The following CEP128 variants were observed in gnomAD, a reference collection of about 807,000 sequenced individuals.
CEP128 encodes centrosomal protein 128.
CEP128 carries 132 observed loss-of-function variants against 156.7 expected under a neutral mutation model. The observed-to-expected ratio is 0.84, with a 90% confidence interval of 0.73 to 0.97. The LOEUF (loss-of-function observed/expected upper bound fraction) is 0.97. Ranked by LOEUF, CEP128 falls within the 50% of genes least tolerant of loss-of-function variation. The probability of loss-of-function intolerance (pLI) is 0.00; values close to 1 mark genes in which losing one functional copy is unlikely to be tolerated. For missense variants in CEP128, 1,252 were observed against 1,281.9 expected (o/e 0.98, Z 0.36); for synonymous variants, 469 against 448.9 (o/e 1.04, Z -0.57).
chr14:80,769,875 T>C (rs897502118), intron 16 of CEP128, among the ~76,000 whole-genome samples: 2 of 152,334 alleles, frequency 1.3e-5, no homozygotes. Flanking sequence ...ACTTTATGTT[T>C]CCTTTTAGGG....
chr14:80,602,696 C>T (rs1416902199), intron 19 of CEP128, among the ~76,000 whole-genome samples: 3 of 152,110 alleles, frequency 2.0e-5, no homozygotes, highest in Admixed American at 6.5e-5. Context: ...TTGCTTGAAC[C>T]GGGAGGCAGA....
chr14:80,790,828 G>A (rs1377959032), intron 14 of CEP128, among the ~76,000 whole-genome samples: 1 of 151,980 alleles, frequency 6.6e-6, no homozygotes, highest in East Asian at 1.9e-4. Context: ...GGTAGACACA[G>A]AACCATACTG....
At chr14:80,919,425 A>G (rs182342001) in intron 2 of CEP128, among the ~76,000 whole-genome samples, 2 of 152,304 alleles carry the variant, frequency 1.3e-5, no homozygotes, top group African/African-American at 4.8e-5. Context: ...GAGAGTTTTT[A>G]GTAAAATATT....
chr14:80,774,005 A>G lies in CEP128; in HGVS notation c.2376+3877T>C, dbSNP rs765925977. ...TTGCATAACACTCGTTCTCTTTGTC[A>G]TGTAAAACTGAAAAATAACATTTGA... is the stretch of plus-strand genomic sequence containing the variant. On this transcript the variant is annotated intron_variant, in intron 16 of 24. Coordinates refer to ENST00000555265, the MANE Select transcript of CEP128 (RefSeq NM_152446.5). Among the ~76,000 whole-genome samples the G allele has an allele frequency of 5.9e-5, 9 of 152,338 alleles. 1 individual carries two copies. The South Asian group carries it at 6.2e-4, about 11-fold the overall frequency.
In CEP128 at chr14:80,624,634, T is replaced by C. The variant is rs561599690; in HGVS notation, c.2807-44211A>G. 3.3e-5 allele frequency among the ~76,000 whole-genome samples: 5 copies of C among 152,286 alleles called. No individual in the cohort carries two copies. The South Asian group carries it at 8.3e-4, about 25-fold the overall frequency. ...GATAAATATTCTAACTGGGATGAGATATTTCACTGTGGTTTTGATTTGCAT... is the reference window on the plus strand; with the variant it reads ...GATAAATATTCTAACTGGGATGAGACATTTCACTGTGGTTTTGATTTGCAT... On this transcript the variant is annotated intron_variant, in intron 19 of 24. Transcript: ENST00000555265.
chr14:80,756,744 C>G, intron 18 of CEP128, 148 bp downstream of exon 18: 1 of 586,710 alleles, frequency 1.7e-6, no homozygotes, highest in East Asian at 3.1e-5. Flanking sequence ...TGGAGATTCC[C>G]TAAGTGGACT....
chr14:80,946,338 C>CTCATGATGCATCATGATGATGCA (rs2139650848), upstream of CEP128, among the ~76,000 whole-genome samples: 1 of 137,522 alleles, frequency 7.3e-6, no homozygotes, highest in Non-Finnish European at 1.6e-5. Context: ...ATGATGATGC[C>CTCATGATGCATCATGATGATGCA]TCATGATGCA....
intron 21 of CEP128, among the ~76,000 whole-genome samples, chr14:80,532,098 A>G (rs2140280096): frequency 6.6e-6 from 1 of 152,346 alleles, no homozygotes; most frequent in East Asian, 1.9e-4. Context: ...CATATATAAT[A>G]CCTACCCTGA....
intron 19 of CEP128, among the ~76,000 whole-genome samples, chr14:80,665,539 C>A (rs1344644259): frequency 1.3e-5 from 2 of 152,012 alleles, no homozygotes; most frequent in African/African-American, 2.4e-5. Flanking sequence ...TGGCAAGCAG[C>A]AAAAGTAAAA....
chr14:80,946,336 GCCT>G (rs1886343559), upstream of CEP128, among the ~76,000 whole-genome samples: 1 of 138,892 alleles, frequency 7.2e-6, no homozygotes, highest in Non-Finnish European at 1.6e-5. Context: ...TCATGATGAT[GCCT>G]CATGATGCAT....
intron 13 of CEP128, 142 bp downstream of exon 13, chr14:80,831,001 T>A (rs1885759498): frequency 1.4e-6 from 1 of 708,028 alleles, no homozygotes; most frequent in Admixed American, 2.5e-5. Context: ...TATAAGTAAA[T>A]CAGTCATTAA....
chr14:80,513,575 A>C (rs1371445361), intron 23 of CEP128, among the ~76,000 whole-genome samples: 1 of 152,010 alleles, frequency 6.6e-6, no homozygotes, highest in Non-Finnish European at 1.5e-5. Context: ...CTCTCTCTCT[A>C]GCTCCTCTTT....
At chr14:80,757,922 C>G (rs1415901332) in intron 17 of CEP128, among the ~76,000 whole-genome samples, 1 of 152,206 alleles carries the variant, frequency 6.6e-6, no homozygotes, top group Admixed American at 6.5e-5. Context: ...TCACCCAATT[C>G]TCATATCCTC....
intron 2 of CEP128, among the ~76,000 whole-genome samples, chr14:80,934,690 A>G (rs1001015997): frequency 6.6e-6 from 1 of 152,226 alleles, no homozygotes; most frequent in Non-Finnish European, 1.5e-5. Flanking sequence ...CAAATGAAGA[A>G]CTACTAACGC....
At chr14:80,795,538 C>G (rs754696875) in intron 13 of CEP128, among the ~76,000 whole-genome samples, 3 of 152,132 alleles carry the variant, frequency 2.0e-5, no homozygotes, top group Non-Finnish European at 4.4e-5. Context: ...TAAAAAGTTC[C>G]TAATTCCTAC....
chr14:80,583,484 C>A (rs544651571), intron 19 of CEP128, among the ~76,000 whole-genome samples: 6 of 152,304 alleles, frequency 3.9e-5, no homozygotes, highest in African/African-American at 1.4e-4. Context: ...AGCATCTTAT[C>A]CCCCTGAGCA....
chr14:80,855,928 G>A (rs1263114603), intron 9 of CEP128, among the ~76,000 whole-genome samples: 1 of 152,070 alleles, frequency 6.6e-6, no homozygotes, highest in Non-Finnish European at 1.5e-5. Context: ...TTAATAAAGG[G>A]TACCCGAGGC....
chr14:80,624,232 A>G (rs1893612282), intron 19 of CEP128, among the ~76,000 whole-genome samples: 1 of 152,090 alleles, frequency 6.6e-6, no homozygotes, highest in African/African-American at 2.4e-5. Flanking sequence ...AGGCTCATCC[A>G]TGTTGCCAGG....
chr14:80,797,980 G>A (rs1883591715), intron 13 of CEP128, among the ~76,000 whole-genome samples: 1 of 152,218 alleles, frequency 6.6e-6, no homozygotes, highest in East Asian at 1.9e-4. Flanking sequence ...TTTAGATTGT[G>A]TGAAATTATC....
Sources: allele counts gnomAD v4.1 joint callset (sites outside exome capture counted in the v4.1 genomes callset), GRCh38; gene constraint gnomAD v4.1.1; transcripts MANE v1.5; gene names NCBI Gene and HGNC (gene_info 2026-07-23, HGNC 2026-07-21).